The following CRADD variants were observed in gnomAD, a reference collection of about 807,000 sequenced individuals.
CRADD encodes CARD and death domain containing adaptor protein, also known as death domain-containing protein CRADD.
CRADD carries 9 observed loss-of-function variants against 15.5 expected under a neutral mutation model. The observed-to-expected ratio is 0.58, with a 90% confidence interval of 0.35 to 1.01. The LOEUF (loss-of-function observed/expected upper bound fraction) is 1.01, where lower values mean the gene tolerates loss of function less well. Among genes scored for constraint, CRADD ranks in the 50% least tolerant of loss-of-function variants. CRADD has a pLI of 0.02. For missense variants in CRADD, 227 were observed against 250.3 expected (o/e 0.91, Z 0.63); for synonymous variants, 118 against 107.6 (o/e 1.10, Z -0.60).
intron 2 of CRADD, among the ~76,000 whole-genome samples, chr12:93,702,990 A>C (rs540562077): frequency 1.3e-5 from 2 of 152,328 alleles, no homozygotes; most frequent in South Asian, 4.1e-4. Flanking sequence ...TCAGGAAATG[A>C]AAGCATTGCC....
chr12:93,690,354 T>C (rs1955537606), intron 2 of CRADD, among the ~76,000 whole-genome samples: 1 of 152,316 alleles, frequency 6.6e-6, no homozygotes, highest in Admixed American at 6.5e-5. Context: ...GGAAAACAAA[T>C]GATAGCCCTT....
At chr12:93,738,508 C>G (rs1000044670) in intron 2 of CRADD, 2 of 701,122 alleles carry the variant, frequency 2.9e-6, no homozygotes, top group African/African-American at 1.7e-5. Context: ...TGCAGCAACA[C>G]TGACCAAAGC....
chr12:93,732,042 A>G lies in CRADD; in HGVS notation c.298+52970A>G, dbSNP rs187971895. 4.0e-3 allele frequency among the ~76,000 whole-genome samples: 609 copies of G among 152,176 alleles called. 1 individual carries two copies. The highest frequency in any genetic ancestry group is 0.01 in the Middle Eastern group (3 of 294). ...TCCCAGCTACTTGGGAGGCTGAGGC[A>G]GGAGAATCGCTTGAACGCAGGAGGT... On this transcript the variant is annotated intron_variant, in intron 2 of 2. Transcript: ENST00000332896.
chr12:93,846,524 AAGAT>A (rs1958118588), intron 2 of CRADD: 1 of 151,636 alleles, frequency 6.6e-6, no homozygotes, highest in Non-Finnish European at 1.5e-5. Context: ...GATTTTTTAA[AAGAT>A]AGAGCCAAGA....
exon 3 of CRADD, chr12:93,894,194 C>G (rs1269687845): frequency 1.5e-6 from 1 of 687,844 alleles, no homozygotes; most frequent in African/African-American, 1.8e-5. Flanking sequence ...CAATCAAGGG[C>G]GATTTTGCCT....
chr12:93,868,329 A>T (rs1958388249), intron 2 of CRADD, among the ~76,000 whole-genome samples: 1 of 152,178 alleles, frequency 6.6e-6, no homozygotes, highest in African/African-American at 2.4e-5. Flanking sequence ...TTATAAGGAG[A>T]TTCATTCAAA....
intron 2 of CRADD, among the ~76,000 whole-genome samples, chr12:93,721,222 T>C (rs548343719): frequency 6.6e-6 from 1 of 152,290 alleles, no homozygotes; most frequent in East Asian, 1.9e-4. Flanking sequence ...TGAGCCACCA[T>C]GCTCCTTTTT....
chr12:93,881,324 T>C (rs1418411766), intron 2 of CRADD, among the ~76,000 whole-genome samples: 1 of 152,094 alleles, frequency 6.6e-6, no homozygotes, highest in Non-Finnish European at 1.5e-5. Context: ...AGCAGCAGTA[T>C]TTTGTGGCTG....
chr12:93,808,648 G>C (rs936177657), intron 2 of CRADD, among the ~76,000 whole-genome samples: 1 of 152,098 alleles, frequency 6.6e-6, no homozygotes, highest in African/African-American at 2.4e-5. Flanking sequence ...GGAGTGCTCT[G>C]CATTGCCTCT....
At chr12:93,887,989 C>T (rs946553618) in intron 2 of CRADD, among the ~76,000 whole-genome samples, 5 of 152,110 alleles carry the variant, frequency 3.3e-5, no homozygotes, top group African/African-American at 1.2e-4. Flanking sequence ...TAAAGTGCCA[C>T]CTGAGCTGAG....
At chr12:93,884,178 G>A (rs1958520696) in intron 2 of CRADD, among the ~76,000 whole-genome samples, 1 of 152,184 alleles carries the variant, frequency 6.6e-6, no homozygotes. Flanking sequence ...GACAGGCAGA[G>A]GACATAAGTC....
chr12:93,863,364 C>T (rs1012422662), intron 2 of CRADD, among the ~76,000 whole-genome samples: 1 of 152,142 alleles, frequency 6.6e-6, no homozygotes. Context: ...CTTCTCATTT[C>T]GGTTCTCATT....
chr12:93,881,974 A>G (rs1050926581), intron 2 of CRADD, among the ~76,000 whole-genome samples: 2 of 152,040 alleles, frequency 1.3e-5, no homozygotes, highest in African/African-American at 4.8e-5. Flanking sequence ...TAAAAATACA[A>G]AAATTATCTG....
At chr12:93,720,394 T>C (rs763384276) in intron 2 of CRADD, among the ~76,000 whole-genome samples, 6 of 152,186 alleles carry the variant, frequency 3.9e-5, no homozygotes, top group Admixed American at 6.5e-5. Flanking sequence ...GAAAAATGTG[T>C]AATCTGCTGT....
At chr12:93,737,947 A>G (rs1956603728) in intron 2 of CRADD, 2 of 270,944 alleles carry the variant, frequency 7.4e-6, no homozygotes, top group Non-Finnish European at 1.4e-5. Context: ...GAAGAATTTC[A>G]GGGTGATAAA....
At chr12:93,744,673 A>C (rs1956726672) in intron 2 of CRADD, among the ~76,000 whole-genome samples, 1 of 152,220 alleles carries the variant, frequency 6.6e-6, no homozygotes, top group Non-Finnish European at 1.5e-5. Flanking sequence ...CAGCCATTTA[A>C]AAGAGATTTT....
chr12:93,860,154 A>G (rs1166851885), intron 2 of CRADD, among the ~76,000 whole-genome samples: 1 of 151,148 alleles, frequency 6.6e-6, no homozygotes, highest in Non-Finnish European at 1.5e-5. Context: ...AAAAGTTTTT[A>G]TAAGGTTTAG....
At chr12:93,737,521 C>A (rs1349191035) in intron 2 of CRADD, among the ~76,000 whole-genome samples, 2 of 152,218 alleles carry the variant, frequency 1.3e-5, no homozygotes, top group African/African-American at 4.8e-5. Context: ...AGTCACCCAA[C>A]TAAAGCAGTC....
intron 2 of CRADD, chr12:93,738,480 A>G (rs2136924920): frequency 2.8e-6 from 2 of 702,236 alleles, no homozygotes. Context: ...CTGGCAGAGT[A>G]GGCCCCTTCA....
Sources: allele counts gnomAD v4.1 joint callset (sites outside exome capture counted in the v4.1 genomes callset), GRCh38; gene constraint gnomAD v4.1.1; transcripts MANE v1.5; gene names NCBI Gene and HGNC (gene_info 2026-07-23, HGNC 2026-07-21).